The following TCERG1 variants were observed in gnomAD, a reference collection of about 807,000 sequenced individuals.
TCERG1 encodes transcription elongation regulator 1, also known as TATA box binding protein (TBP)-associated factor, RNA polymerase II, S, 150kD.
A neutral mutation model predicts 144.7 loss-of-function variants in TCERG1; 37 were observed. The ratio of observed to expected loss-of-function variants is 0.26; its 90% CI spans 0.20 to 0.34. The LOEUF is 0.34. Among genes scored for constraint, TCERG1 ranks in the 10% least tolerant of loss-of-function variants. TCERG1 has a pLI of 1.00. For synonymous variants in TCERG1, 492 were observed against 458.2 expected, an observed-to-expected ratio of 1.07 and a Z score of -0.94; for missense variants, 1,027 against 1,380.7, an observed-to-expected ratio of 0.74 and a Z score of 4.06.
intron 1 of TCERG1, among the ~76,000 whole-genome samples, chr5:146,453,246 G>A (rs1762512771): frequency 6.6e-6 from 1 of 152,126 alleles, no homozygotes; most frequent in Non-Finnish European, 1.5e-5. Flanking sequence ...TTTAGGTAGA[G>A]ACTACTAATG....
chr5:146,499,317 C>T (rs528740628), intron 17 of TCERG1, among the ~76,000 whole-genome samples: 7 of 152,180 alleles, frequency 4.6e-5, no homozygotes, highest in Non-Finnish European at 8.8e-5. Flanking sequence ...AAAATAACCT[C>T]TGGAGCCTAA....
At position 146,497,826 on chromosome 5, in the gene TCERG1, C is replaced by T. The variant is rs370515087; in HGVS notation, c.2283-710C>T. 3.2e-3 allele frequency among the ~76,000 whole-genome samples: 488 copies of T among 152,296 alleles called. 2 individuals carry two copies. The highest frequency in any genetic ancestry group is 0.011 in the African/African-American group (454 of 41,542). ...CCTATTCTCCCTTTAATACTACTGA[C>T]TCTCTGTTATCTCTTCTATGCTCTT... On this transcript the variant is annotated intron_variant, in intron 16 of 22. Transcript: ENST00000679501.
At chr5:146,454,458 A>T (rs1042255725) in intron 1 of TCERG1, among the ~76,000 whole-genome samples, 4 of 151,108 alleles carry the variant, frequency 2.6e-5, no homozygotes, top group Non-Finnish European at 5.9e-5. Context: ...AACTTTAAGC[A>T]GCATGTGGGT....
intron 9 of TCERG1, among the ~76,000 whole-genome samples, chr5:146,477,025 A>T (rs555690791): frequency 2.6e-5 from 4 of 152,294 alleles, no homozygotes; most frequent in African/African-American, 9.6e-5. Context: ...CAGCATCTCA[A>T]AGTGCAGGTG....
At chr5:146,510,167 C>A in intron 22 of TCERG1, 3 of 1,159,832 alleles carry the variant, frequency 2.6e-6, no homozygotes, top group Non-Finnish European at 3.5e-6. Context: ...ACAGGTACAG[C>A]ACGGGCAAGA....
Position 146,509,194 on chromosome 5 carries a change from C to T in TCERG1, c.3095C>T (p.Ala1032Val). 6.2e-7 allele frequency: 1 copy of T among 1,608,808 alleles called. No homozygotes were observed. The highest frequency in any genetic ancestry group is 8.5e-7 in the Non-Finnish European group (1 of 1,178,168). The change falls in exon 22 of 23, where the codon GCC becomes GTC. Residue 1032 changes from alanine (A) to valine (V), a missense_variant. By Grantham distance (64) the Ala-to-Val change is moderately conservative (BLOSUM62 0). Coordinates refer to ENST00000679501, the MANE Select transcript of TCERG1 (RefSeq NM_001382548.1). ...EEYIRDKYIT[A>V]KADFRTLLKE... ...TATATCAGAGACAAATATATCACAG[C>T]CAAAGCTGACTTCAGGACGCTTTTG... is the stretch of plus-strand genomic sequence containing the variant.
chr5:146,452,264 T>G (rs1310292502), intron 1 of TCERG1, among the ~76,000 whole-genome samples: 2 of 151,854 alleles, frequency 1.3e-5, no homozygotes, highest in Non-Finnish European at 2.9e-5. Flanking sequence ...ATATAAAGAA[T>G]ATAATTGTTA....
At chr5:146,502,484 ATAAC>A (rs1414815567) in intron 17 of TCERG1, among the ~76,000 whole-genome samples, 2 of 152,214 alleles carry the variant, frequency 1.3e-5, no homozygotes, top group Non-Finnish European at 2.9e-5. Context: ...ATACATAAAA[ATAAC>A]TATCTCATTT....
intron 1 of TCERG1, among the ~76,000 whole-genome samples, chr5:146,453,162 T>C (rs1227775179): frequency 6.6e-6 from 1 of 152,174 alleles, no homozygotes; most frequent in African/African-American, 2.4e-5. Context: ...GCTTAAATGC[T>C]GTGGAGAAAA....
At chr5:146,477,126 A>G (rs370185450) in intron 9 of TCERG1, among the ~76,000 whole-genome samples, 2 of 151,370 alleles carry the variant, frequency 1.3e-5, no homozygotes, top group South Asian at 2.1e-4. Context: ...TCTTGAGCCA[A>G]TCCAGTGAAA....
At chr5:146,457,474 GA>G (rs1762924984) in intron 3 of TCERG1, 139 bp downstream of exon 3, 1 of 806,654 alleles carries the variant, frequency 1.2e-6, no homozygotes, top group African/African-American at 1.7e-5. Context: ...GACTTCAGGA[GA>G]AGCTGACTGG....
intron 16 of TCERG1, among the ~76,000 whole-genome samples, chr5:146,496,181 T>C (rs1766885991): frequency 6.6e-6 from 1 of 152,224 alleles, no homozygotes; most frequent in Non-Finnish European, 1.5e-5. Flanking sequence ...CTTTTATTTA[T>C]GGAGAAACTT....
chr5:146,509,506 T>C (rs1443661553), intron 22 of TCERG1, among the ~76,000 whole-genome samples: 2 of 145,722 alleles, frequency 1.4e-5, no homozygotes, highest in Admixed American at 6.9e-5. Flanking sequence ...TTTTTTTTTT[T>C]ACTTCACCGC....
At chr5:146,477,523 C>T (rs966554948) in intron 9 of TCERG1, among the ~76,000 whole-genome samples, 1 of 151,874 alleles carries the variant, frequency 6.6e-6, no homozygotes, top group African/African-American at 2.4e-5. Context: ...TTTTGGCTGT[C>T]CTCCGTATTG....
At chr5:146,447,944 C>T (rs913424885) in intron 1 of TCERG1, among the ~76,000 whole-genome samples, 1 of 152,242 alleles carries the variant, frequency 6.6e-6, no homozygotes, top group Non-Finnish European at 1.5e-5. Flanking sequence ...TGTGGCTTTT[C>T]TTCCTTTTTT....
chr5:146,494,636 A>G (rs1473400161), intron 16 of TCERG1, among the ~76,000 whole-genome samples: 5 of 152,200 alleles, frequency 3.3e-5, no homozygotes, highest in African/African-American at 9.6e-5. Flanking sequence ...GAATGCAAGG[A>G]GGAAAAACTT....
At chr5:146,491,332 G>A (rs771628984) in intron 15 of TCERG1, among the ~76,000 whole-genome samples, 1 of 152,010 alleles carries the variant, frequency 6.6e-6, no homozygotes, top group Non-Finnish European at 1.5e-5. Context: ...CTTTGGGGCT[G>A]TACTGCAGAG....
chr5:146,487,704 C>T (rs1302515764), intron 15 of TCERG1, among the ~76,000 whole-genome samples: 2 of 150,530 alleles, frequency 1.3e-5, no homozygotes, highest in African/African-American at 4.9e-5. Context: ...TGCACTCCAG[C>T]CCAGGCAACA....
At position 146,463,589 on chromosome 5, in the gene TCERG1, T is replaced by C; in HGVS notation, c.931T>C (p.Ser311Pro). The change falls in exon 5 of 23, where the codon TCA becomes CCA. Residue 311 changes from serine to proline, a missense_variant. By Grantham distance (74) the Ser-to-Pro change is moderately conservative. Around this residue, in one of 6 missense-constraint regions of TCERG1, gnomAD observed 187 missense variants for 169.1 expected, o/e 1.11. Coordinates refer to ENST00000679501, the MANE Select transcript of TCERG1 (RefSeq NM_001382548.1). ...TQDQTPSSAV[S>P]VATPTVSVST... The stretch of plus-strand genomic sequence containing the variant: ...AGATCAGACCCCAAGTTCTGCTGTT[T>C]CAGTTGCCACGCCTACAGTTAGTGT... The C allele has an allele frequency of 6.2e-7, 1 of 1,614,230 alleles. No homozygotes were observed. Among genetic ancestry groups the C allele is most frequent in the Non-Finnish European group, 8.5e-7 (1 of 1,180,032 alleles).
Sources: gnomAD v4.1 joint callset for allele counts (sites outside exome capture counted in the v4.1 genomes callset) on GRCh38, gnomAD v4.1.1 for gene constraint, gnomAD v4.1.1 regional missense constraint, MANE v1.5 for transcripts, NCBI Gene and HGNC (gene_info 2026-07-23, HGNC 2026-07-21) for gene names.